Variants in NDRG4 observed in about 807,000 individuals in gnomAD.
The protein encoded by NDRG4 is protein NDRG4.
A neutral mutation model predicts 55.8 loss-of-function variants in NDRG4; 38 were observed. The ratio of observed to expected loss-of-function variants is 0.68; its 90% confidence interval spans 0.53 to 0.89. NDRG4 has a LOEUF of 0.89. Ranked by LOEUF, NDRG4 falls within the 40% of genes least tolerant of loss-of-function variation. NDRG4 has a pLI of 0.00. For synonymous variants in NDRG4, 190 were observed against 182.7 expected, an observed-to-expected ratio of 1.04 and a Z score of -0.32; for missense variants, 455 against 468.6, an observed-to-expected ratio of 0.97 and a Z score of 0.27.
intron 5 of NDRG4, 153 bp from the exon 6 acceptor site, chr16:58,506,234 A>G: frequency 1.3e-6 from 1 of 745,950 alleles, no homozygotes; most frequent in Non-Finnish European, 2.4e-6. Flanking sequence ...CAGTGAGAGG[A>G]GGACAGGCAG....
At chr16:58,505,718 T>TC (rs1567345671) in intron 5 of NDRG4, among the ~76,000 whole-genome samples, 2 of 127,872 alleles carry the variant, frequency 1.6e-5, no homozygotes, top group Admixed American at 7.7e-5. Flanking sequence ...ATTTTCTTTT[T>TC]TTTTTTTTTT....
intron 2 of NDRG4, among the ~76,000 whole-genome samples, chr16:58,494,102 T>G (rs2036115884): frequency 6.6e-6 from 1 of 152,204 alleles, no homozygotes; most frequent in Non-Finnish European, 1.5e-5. Flanking sequence ...CCAGATCTGT[T>G]TGTGTCTGGG....
chr16:58,491,575 C>G (rs1333374436), intron 2 of NDRG4, among the ~76,000 whole-genome samples: 1 of 152,052 alleles, frequency 6.6e-6, no homozygotes, highest in Non-Finnish European at 1.5e-5. Flanking sequence ...ATTCTCCTGC[C>G]TCAGCCTCCC....
In NDRG4 at chr16:58,482,689, C is replaced by CTCCT. The variant is rs1555529519; in HGVS notation, c.-23-5066_-23-5065insCCTT. Among the ~76,000 whole-genome samples the CTCCT allele has an allele frequency of 5.6e-3, 774 of 138,228 alleles. 10 individuals are homozygous for CTCCT. Among genetic ancestry groups the CTCCT allele is most frequent in the African/African-American group, 0.022 (736 of 33,516 alleles). The allele number at this position is 138,228 out of a possible 152,430, so 90.7% of individuals were successfully genotyped here. On this transcript the variant is annotated intron_variant, in intron 1 of 15. Transcript: ENST00000258187. ...CATCCCTCCCTTCCTTCCTCCCTCC[C>CTCCT]TTCCTTCCTCCCTCCCTCCTTTCCT...
At chr16:58,483,494 T>C (rs774101435) in intron 1 of NDRG4, among the ~76,000 whole-genome samples, 1 of 152,128 alleles carries the variant, frequency 6.6e-6, no homozygotes, top group African/African-American at 2.4e-5. Flanking sequence ...ATTTCCACAC[T>C]CCCCGGTGCT....
intron 1 of NDRG4, among the ~76,000 whole-genome samples, chr16:58,469,927 G>A (rs2151558651): frequency 6.6e-6 from 1 of 152,326 alleles, no homozygotes; most frequent in Middle Eastern, 3.4e-3. Context: ...GTGGCTGGCT[G>A]GAATTTAAAC....
At chr16:58,482,183 C>A (rs1226171078) in intron 1 of NDRG4, among the ~76,000 whole-genome samples, 1 of 152,290 alleles carries the variant, frequency 6.6e-6, no homozygotes, top group Middle Eastern at 3.4e-3. Flanking sequence ...TGGCTCATTT[C>A]ATTTGCCTGT....
chr16:58,466,600 C>A lies in NDRG4; in HGVS notation c.-24+2803C>A, dbSNP rs146484030. Reference sequence around the variant, plus strand: ...TGAGGCCCCTCTCAGTTACTGTCATCAGTCACAGGCTCCGCCCCCATTGTA... The same window carrying A: ...TGAGGCCCCTCTCAGTTACTGTCATAAGTCACAGGCTCCGCCCCCATTGTA... On this transcript the variant is annotated intron_variant, in intron 1 of 15. Coordinates refer to the NDRG4 transcript ENST00000258187. 1.5e-3 allele frequency among the ~76,000 whole-genome samples: 231 copies of A among 152,332 alleles called. 1 individual carries two copies. The highest frequency in any genetic ancestry group is 5.2e-3 in the African/African-American group (216 of 41,570).
intron 13 of NDRG4, among the ~76,000 whole-genome samples, chr16:58,509,707 C>A (rs1451589123): frequency 1.3e-5 from 2 of 152,150 alleles, no homozygotes; most frequent in Admixed American, 1.3e-4. Context: ...GGGTGAGGCA[C>A]ACTCCCCTCA....
intron 2 of NDRG4, among the ~76,000 whole-genome samples, chr16:58,489,443 T>G (rs2035513149): frequency 6.6e-6 from 1 of 151,622 alleles, no homozygotes; most frequent in Non-Finnish European, 1.5e-5. Flanking sequence ...CTAGTACATC[T>G]GCTTGGGATA....
At chr16:58,508,048 G>A in intron 10 of NDRG4, 49 bp downstream of exon 10, 2 of 1,480,740 alleles carry the variant, frequency 1.4e-6, no homozygotes, top group Non-Finnish European at 1.8e-6. Flanking sequence ...AGGGGTGAGG[G>A]GCTCACTGGC....
chr16:58,482,424 G>A (rs962751248), intron 1 of NDRG4, among the ~76,000 whole-genome samples: 9 of 152,016 alleles, frequency 5.9e-5, no homozygotes, highest in African/African-American at 1.9e-4. Context: ...TTTAAGTCTT[G>A]CCCTCTTCTC....
chr16:58,509,618 C>G (rs1162200536), intron 13 of NDRG4, among the ~76,000 whole-genome samples: 3 of 152,204 alleles, frequency 2.0e-5, no homozygotes, highest in Non-Finnish European at 4.4e-5. Flanking sequence ...AGTGCTGGGC[C>G]TACTGGGGGA....
chr16:58,498,569 A>G (rs12918599), upstream of NDRG4, among the ~76,000 whole-genome samples: 2 of 152,330 alleles, frequency 1.3e-5, no homozygotes, highest in Admixed American at 1.3e-4. Context: ...AGGAAGCCGG[A>G]TAGGAGGCAG....
chr16:58,504,939 CAACT>C (rs1419939352), intron 5 of NDRG4, among the ~76,000 whole-genome samples: 3 of 152,212 alleles, frequency 2.0e-5, no homozygotes, highest in Non-Finnish European at 2.9e-5. Context: ...ACAAACTATA[CAACT>C]AACTGCTCTA....
chr16:58,476,047 T>G (rs1292316238), intron 1 of NDRG4, among the ~76,000 whole-genome samples: 1 of 152,114 alleles, frequency 6.6e-6, no homozygotes, highest in African/African-American at 2.4e-5. Flanking sequence ...TCCACCTGCC[T>G]CGGCCTCCCC....
In NDRG4 at chr16:58,464,892, T is replaced by G; in HGVS notation, c.-24+1095T>G. The G allele has an allele frequency of 2.6e-6, 3 of 1,173,488 alleles. No homozygotes were observed. The African/African-American group carries it at 4.8e-5, about 19-fold the overall frequency. The allele number at this position is 1,173,488 out of a possible 1,614,324, so 72.7% of individuals were successfully genotyped here. On this transcript the variant is annotated intron_variant, in intron 1 of 15. Transcript: ENST00000258187. The surrounding 1 kb of genome is among the most constrained non-coding windows in gnomAD (Gnocchi z 4.8). ...AGCCGTCTTTCTCTGGGGGAGAAGT[T>G]TCTTGCTGGGAGTGGAGGCGACGCC...
chr16:58,466,589 G>T (rs1310250644), intron 1 of NDRG4, among the ~76,000 whole-genome samples: 2 of 152,216 alleles, frequency 1.3e-5, no homozygotes, highest in Non-Finnish European at 2.9e-5. Context: ...GCCCCTCTCA[G>T]TTACTGTCAT....
At chr16:58,495,603 G>A (rs2036299352), upstream of NDRG4, 2 of 153,134 alleles carry the variant, frequency 1.3e-5, no homozygotes, top group South Asian at 4.1e-4. Context: ...GGCCTGACCT[G>A]GTTTTGGGTC....
Sources: gnomAD v4.1 joint callset for allele counts (sites outside exome capture counted in the v4.1 genomes callset) on GRCh38, gnomAD v4.1.1 for gene constraint, Gnocchi (gnomAD v3.1) non-coding constraint, MANE v1.5 for transcripts, NCBI Gene and HGNC (gene_info 2026-07-23, HGNC 2026-07-21) for gene names.